CXCL2: variants seen among roughly 807,000 people sequenced by gnomAD.
CXCL2 encodes C-X-C motif chemokine 2.
A neutral mutation model predicts 11.2 loss-of-function variants in CXCL2; 12 were observed. The observed-to-expected ratio is 1.08, with a 90% CI of 0.69 to 1.74. The LOEUF (loss-of-function observed/expected upper bound fraction) is 1.74, where lower values mean the gene tolerates loss of function less well. Ranked by LOEUF, CXCL2 falls within the 40% of genes most tolerant of loss-of-function variation. CXCL2 has a pLI of 0.00. For synonymous variants in CXCL2, 68 were observed against 61.9 expected (o/e 1.10, Z -0.47); for missense variants, 120 against 137.8 (o/e 0.87, Z 0.65).
At chr4:74,098,559 C>T (rs1238464759) in intron 3 of CXCL2, 42 bp downstream of exon 3, 1 of 1,599,728 alleles carries the variant, frequency 6.3e-7, no homozygotes, top group South Asian at 1.1e-5. Flanking sequence ...TATTTCTGAC[C>T]AACAGCTCCA....
chr4:74,097,598 T>C lies in CXCL2; in HGVS notation c.*158A>G. 2.2e-6 allele frequency: 1 copy of C among 458,250 alleles called. No homozygotes were observed. Among genetic ancestry groups the C allele is most frequent in the Non-Finnish European group, 3.5e-6 (1 of 283,434 alleles). The allele number at this position is 458,250 out of a possible 1,614,324, so 28.4% of individuals were successfully genotyped here. On this transcript the variant is annotated 3_prime_UTR_variant, in exon 4 of 4. Coordinates refer to ENST00000508487, the MANE Select transcript of CXCL2 (RefSeq NM_002089.4). ...CTTCTAAAACAAACAAATAAATAAATAAATAAATAAATAGAAGACTTCTCC... is the reference window on the plus strand; with the variant it reads ...CTTCTAAAACAAACAAATAAATAAACAAATAAATAAATAGAAGACTTCTCC...
In CXCL2 at chr4:74,098,635, T is replaced by C. The variant is rs775002602; in HGVS notation, c.274A>G (p.Met92Val). The change falls in exon 3 of 4, where the codon ATG (methionine) becomes GTG (valine). Residue 92 changes from methionine to valine, a missense_variant. Coordinates refer to ENST00000508487, the MANE Select transcript of CXCL2 (RefSeq NM_002089.4). Reference sequence around the variant, plus strand: ...ATCTTTTCGATGATTTTCTTAACCATGGGCGATGCGGGGTTGAGACAAGCT... The same window carrying C: ...ATCTTTTCGATGATTTTCTTAACCACGGGCGATGCGGGGTTGAGACAAGCT... ...QKACLNPASP[M>V]VKKIIEKMLK... 3.1e-6 allele frequency: 5 copies of C among 1,614,148 alleles called. No individual in the cohort carries two copies. The East Asian group carries it at 1.1e-4, about 36-fold the overall frequency.
At chr4:74,097,911 G>T in intron 3 of CXCL2, 140 bp from the exon 4 acceptor site, 1 of 819,904 alleles carries the variant, frequency 1.2e-6, no homozygotes, top group Non-Finnish European at 1.8e-6. Flanking sequence ...GGTACTGCCT[G>T]TGACAGCTGT....
intron 3 of CXCL2, among the ~76,000 whole-genome samples, chr4:74,098,000 C>T (rs1721317797): frequency 1.3e-5 from 2 of 152,172 alleles, no homozygotes; most frequent in African/African-American, 4.8e-5. Flanking sequence ...TGGCAGTCTA[C>T]ACTGTTTTAC....
Position 74,099,048 on chromosome 4 carries a change from G to A in CXCL2, c.73C>T (p.Leu25=), listed in dbSNP as rs1721350663. Residue 25 remains leucine (L), a synonymous_variant, in exon 1 of 4, where the codon CTG becomes TTG. Transcript: ENST00000508487. ...GCTGCGCGCCGGCTGGCGGCCACCA[G>A]GAGCAGGAGCAGCAGCGCCACCCGC... ...LLRVALLLLL[L]VAASRRAAGA... 1 of 1,485,584 alleles carries A rather than the reference G, an allele frequency of 6.7e-7. No individual in the cohort carries two copies. The highest frequency in any genetic ancestry group is 2.4e-5 in the Admixed American group (1 of 41,084). The allele number at this position is 1,485,584 out of a possible 1,614,324, so 92.0% of individuals were successfully genotyped here.
In CXCL2 at chr4:74,097,714, C is replaced by A; in HGVS notation, c.*42G>T. The A allele has an allele frequency of 1.3e-6, 2 of 1,585,158 alleles. No homozygotes were observed. The highest frequency in any genetic ancestry group is 1.7e-6 in the Non-Finnish European group (2 of 1,164,254). On this transcript the variant is annotated 3_prime_UTR_variant, in exon 4 of 4. Coordinates refer to ENST00000508487, the MANE Select transcript of CXCL2 (RefSeq NM_002089.4). ...TTCTGTTCCTGTAAGGGCAGGGCCTCCTTCAGGAACAGCCACCAATAAGCT... is the reference window on the plus strand; with the variant it reads ...TTCTGTTCCTGTAAGGGCAGGGCCTACTTCAGGAACAGCCACCAATAAGCT...
chr4:74,098,720 C>T (rs1250420884), intron 2 of CXCL2, 36 bp from the exon 3 acceptor site: 1 of 1,613,744 alleles, frequency 6.2e-7, no homozygotes, highest in African/African-American at 1.3e-5. Flanking sequence ...GACAGGAGGT[C>T]GGGCTGAGGA....
At chr4:74,098,512 G>A (rs1293229475) in intron 3 of CXCL2, 89 bp downstream of exon 3, 2 of 1,366,868 alleles carry the variant, frequency 1.5e-6, no homozygotes, top group Non-Finnish European at 2.1e-6. Context: ...GCTAACCCTG[G>A]GTTTTCCTGA....
chr4:74,097,937 C>T (rs981862319), intron 3 of CXCL2, among the ~76,000 whole-genome samples, 166 bp from the exon 4 acceptor site: 5 of 152,110 alleles, frequency 3.3e-5, no homozygotes, highest in African/African-American at 7.2e-5. Context: ...GTGGCAAGGA[C>T]CTCTAGGCTT....
Position 74,098,831 on chromosome 4 carries a change from G to A in CXCL2, c.192C>T (p.Ser64=). 2.5e-6 allele frequency: 4 copies of A among 1,614,152 alleles called. No homozygotes were observed. The South Asian group carries it at 4.4e-5, about 18-fold the overall frequency. Residue 64 remains serine, a synonymous_variant, in exon 2 of 4, where the codon TCC becomes TCT. Coordinates refer to ENST00000508487, the MANE Select transcript of CXCL2 (RefSeq NM_002089.4). The part of the protein sequence containing the change: ...LKNIQSVKVK[S]PGPHCAQTEV... Reference sequence around the variant, plus strand: ...CGGTTTGGGCGCAGTGGGGTCCGGGGGACTTCACCTTCACACTTTGGATGT... The same window carrying A: ...CGGTTTGGGCGCAGTGGGGTCCGGGAGACTTCACCTTCACACTTTGGATGT...
In CXCL2 at chr4:74,097,495, A is replaced by C. The variant is rs1011455051; in HGVS notation, c.*261T>G. On this transcript the variant is annotated 3_prime_UTR_variant, in exon 4 of 4. Coordinates refer to ENST00000508487, the MANE Select transcript of CXCL2 (RefSeq NM_002089.4). ...ACTAACTTGGGTTTGACCTAAAATA[A>C]ACAATAAATATAATGGGAGAGTGTG... 2.0e-5 allele frequency: 5 copies of C among 248,188 alleles called. No individual in the cohort carries two copies. The highest frequency in any genetic ancestry group is 1.1e-4 in the African/African-American group (5 of 45,108). 15.4% of individuals were successfully genotyped at this position (248,188 alleles called of 1,614,324 possible).
chr4:74,098,543 C>T (rs1721329082), intron 3 of CXCL2, 58 bp downstream of exon 3: 4 of 1,555,000 alleles, frequency 2.6e-6, no homozygotes, highest in Non-Finnish European at 3.5e-6. Context: ...AGGGGGCAGA[C>T]GCCAGTATTT....
Position 74,098,922 on chromosome 4 carries a change from C to G in CXCL2, c.101G>C (p.Gly34Ala), listed in dbSNP as rs200992030. 2 of 1,612,990 alleles carry G rather than the reference C, an allele frequency of 1.2e-6. No individual in the cohort carries two copies. The highest frequency in any genetic ancestry group is 1.1e-5 in the South Asian group (1 of 90,966). Residue 34 changes from glycine (G) to alanine (A), a missense_variant and splice_region_variant, in exon 2 of 4, where the codon GGA becomes GCA. Transcript: ENST00000508487. Reference sequence around the variant, plus strand: ...GCGCAGTTCAGTGGCCAGGGGCGCTCCTAGGGAAGAAGAGACTCGCTGATT... The same window carrying G: ...GCGCAGTTCAGTGGCCAGGGGCGCTGCTAGGGAAGAAGAGACTCGCTGATT... ...LLVAASRRAAGAPLATELRCQ... is the reference protein window; with the variant it reads ...LLVAASRRAAAAPLATELRCQ...
In CXCL2 at chr4:74,097,648, C is replaced by T. The variant is rs201413805; in HGVS notation, c.*108G>A. On this transcript the variant is annotated 3_prime_UTR_variant, in exon 4 of 4. Coordinates refer to ENST00000508487, the MANE Select transcript of CXCL2 (RefSeq NM_002089.4). Reference sequence around the variant, plus strand: ...CTAAGTGATGCTCAAACACATTAGGCGCAATCCAGGTGGCCTCTGCAGCTG... The same window carrying T: ...CTAAGTGATGCTCAAACACATTAGGTGCAATCCAGGTGGCCTCTGCAGCTG... The T allele has an allele frequency of 7.6e-6, 8 of 1,048,048 alleles. No homozygotes were observed. The highest frequency in any genetic ancestry group is 5.3e-5 in the East Asian group (2 of 37,826). 64.9% of individuals were successfully genotyped at this position (1,048,048 alleles called of 1,614,324 possible).
Position 74,097,711 on chromosome 4 carries a change from C to T in CXCL2, c.*45G>A. 1 of 1,577,932 alleles carries T rather than the reference C, an allele frequency of 6.3e-7. No homozygotes were observed. Among genetic ancestry groups the T allele is most frequent in the Non-Finnish European group, 8.6e-7 (1 of 1,160,384 alleles). ...CTCTTCTGTTCCTGTAAGGGCAGGG[C>T]CTCCTTCAGGAACAGCCACCAATAA... On this transcript the variant is annotated 3_prime_UTR_variant, in exon 4 of 4. Transcript: ENST00000508487.
chr4:74,097,657 G>A lies in CXCL2; in HGVS notation c.*99C>T. 8.3e-7 allele frequency: 1 copy of A among 1,209,932 alleles called. No individual in the cohort carries two copies. Among genetic ancestry groups the A allele is most frequent in the Non-Finnish European group, 1.1e-6 (1 of 900,334 alleles). 74.9% of individuals were successfully genotyped at this position (1,209,932 alleles called of 1,614,324 possible). On this transcript the variant is annotated 3_prime_UTR_variant, in exon 4 of 4. Transcript: ENST00000508487. ...GCTCAAACACATTAGGCGCAATCCA[G>A]GTGGCCTCTGCAGCTGTGTCTCTCT...
chr4:74,097,749 C>T lies in CXCL2; in HGVS notation c.*7G>A, dbSNP rs1177107723. The T allele has an allele frequency of 1.9e-5, 31 of 1,602,490 alleles. No individual in the cohort carries two copies. The highest frequency in any genetic ancestry group is 2.6e-5 in the Non-Finnish European group (30 of 1,173,216). ...CAGCCACCAATAAGCTTCCTCCTTC[C>T]TTCTGGTCAGTTGGATTTGCCACTG... On this transcript the variant is annotated 3_prime_UTR_variant, in exon 4 of 4. Transcript: ENST00000508487.
intron 3 of CXCL2, 189 bp downstream of exon 3, chr4:74,098,412 C>A (rs1296153274): frequency 8.3e-6 from 5 of 605,752 alleles, no homozygotes; most frequent in Non-Finnish European, 1.4e-5. Context: ...TGGGTGGTGA[C>A]CCTGGGCACT....
chr4:74,098,752 A>G (rs1418027566), intron 2 of CXCL2, 47 bp downstream of exon 2: 1 of 1,613,084 alleles, frequency 6.2e-7, no homozygotes, highest in Non-Finnish European at 8.5e-7. Flanking sequence ...GCAGCGGGAG[A>G]GTCGGGGACC....
Sources: gnomAD v4.1 joint callset for allele counts (sites outside exome capture counted in the v4.1 genomes callset) on GRCh38, gnomAD v4.1.1 for gene constraint, MANE v1.5 for transcripts, NCBI Gene and HGNC (gene_info 2026-07-23, HGNC 2026-07-21) for gene names.